Variants in PIK3R1 observed in about 807,000 individuals in gnomAD.
PIK3R1 encodes the protein phosphatidylinositol 3-kinase regulatory subunit alpha.
Under a neutral mutation model 98.0 loss-of-function variants are expected in PIK3R1, and 29 were observed. The ratio of observed to expected loss-of-function variants is 0.30; its 90% CI spans 0.22 to 0.40. PIK3R1 has a LOEUF of 0.40. Ranked by LOEUF, PIK3R1 falls within the 10% of genes least tolerant of loss-of-function variation. The pLI is 1.00. For synonymous variants in PIK3R1, 282 were observed against 311.8 expected (o/e 0.90, Z 1.01); for missense variants, 596 against 872.7 (o/e 0.68, Z 3.99).
intron 2 of PIK3R1, among the ~76,000 whole-genome samples, chr5:68,249,314 G>A (rs894187751): frequency 6.6e-6 from 1 of 152,172 alleles, no homozygotes. Flanking sequence ...TTTTGTTTCT[G>A]CTTTTTCTAC....
At chr5:68,288,437 TG>T (rs1747175337) in intron 7 of PIK3R1, 2 of 1,261,510 alleles carry the variant, frequency 1.6e-6, no homozygotes, top group Non-Finnish European at 2.0e-6. Context: ...GAAATCCAGT[TG>T]GCTTCTCAAT....
Position 68,298,907 on chromosome 5 carries a change from G to A in PIK3R1, c.*1306G>A, listed in dbSNP as rs942337017. ...GTGAAGGGATGTATCAAGTGGGGTGGTGGGAGGGGGAGGCAAGGTTATATG... is the reference window on the plus strand; with the variant it reads ...GTGAAGGGATGTATCAAGTGGGGTGATGGGAGGGGGAGGCAAGGTTATATG... On this transcript the variant is annotated 3_prime_UTR_variant, in exon 16 of 16. Coordinates refer to ENST00000521381, the MANE Select transcript of PIK3R1 (RefSeq NM_181523.3). 4.3e-6 allele frequency: 1 copy of A among 232,718 alleles called. No individual in the cohort carries two copies. Among genetic ancestry groups the A allele is most frequent in the Admixed American group, 5.7e-5 (1 of 17,690 alleles). 14.4% of individuals were successfully genotyped at this position (232,718 alleles called of 1,614,324 possible).
chr5:68,274,040 A>G, intron 4 of PIK3R1, 27 bp downstream of exon 4: 1 of 1,562,634 alleles, frequency 6.4e-7, no homozygotes, highest in South Asian at 1.1e-5. Flanking sequence ...TAGAAATGCA[A>G]ATGGGAAAGA....
chr5:68,227,263 A>G (rs1352025136), intron 2 of PIK3R1, among the ~76,000 whole-genome samples: 4 of 152,232 alleles, frequency 2.6e-5, no homozygotes, highest in Admixed American at 1.3e-4. Flanking sequence ...GAACACTATT[A>G]TTATAGTTGT....
chr5:68,270,365 A>G (rs10515074), intron 2 of PIK3R1, among the ~76,000 whole-genome samples: 31,051 of 152,104 alleles, frequency 0.2, 3,276 homozygotes, highest in South Asian at 0.22. Context: ...GCCCAGCAAT[A>G]TAACAACTTT....
chr5:68,225,177 C>T (rs1744227797), intron 1 of PIK3R1, among the ~76,000 whole-genome samples: 1 of 152,034 alleles, frequency 6.6e-6, no homozygotes, highest in Admixed American at 6.5e-5. Context: ...TGTCTCTAAA[C>T]CTTGACTTTC....
At chr5:68,295,112 C>T (rs1340495600) in intron 12 of PIK3R1, 36 bp from the exon 13 acceptor site, 4 of 1,583,404 alleles carry the variant, frequency 2.5e-6, no homozygotes, top group Non-Finnish European at 3.5e-6. Flanking sequence ...TCCTGATGTA[C>T]CCAGATAATA....
At chr5:68,273,533 T>C (rs1406536775) in intron 3 of PIK3R1, 51 bp downstream of exon 3, 2 of 1,398,388 alleles carry the variant, frequency 1.4e-6, no homozygotes, top group Non-Finnish European at 1.0e-6. Context: ...CCTTATTTCA[T>C]GGCTCTTATT....
intron 2 of PIK3R1, among the ~76,000 whole-genome samples, chr5:68,249,488 A>G (rs1395110856): frequency 2.6e-5 from 4 of 152,252 alleles, no homozygotes; most frequent in East Asian, 1.9e-4. Context: ...AAGTGGTCCT[A>G]TCACAAAATC....
At chr5:68,230,355 A>G (rs1371742979) in intron 2 of PIK3R1, among the ~76,000 whole-genome samples, 2 of 152,222 alleles carry the variant, frequency 1.3e-5, no homozygotes, top group African/African-American at 2.4e-5. Context: ...CATTATCCTA[A>G]GTACCTAGGA....
chr5:68,241,155 T>C (rs1254724136), intron 2 of PIK3R1, among the ~76,000 whole-genome samples: 2 of 152,176 alleles, frequency 1.3e-5, no homozygotes, highest in East Asian at 1.9e-4. Context: ...TCAATAGTTA[T>C]AGTAACTATT....
At chr5:68,249,984 G>C (rs1745242330) in intron 2 of PIK3R1, among the ~76,000 whole-genome samples, 1 of 152,178 alleles carries the variant, frequency 6.6e-6, no homozygotes, top group African/African-American at 2.4e-5. Flanking sequence ...GCTGGATTCT[G>C]GGGTCACCAA....
rs1219826105 is a variant in PIK3R1 at position 68,300,366 on chromosome 5, A to G, written c.*2765A>G. The G allele has an allele frequency of 4.3e-6, 1 of 232,856 alleles. No individual in the cohort carries two copies. Among genetic ancestry groups the G allele is most frequent in the East Asian group, 6.0e-5 (1 of 16,530 alleles). The allele number at this position is 232,856 out of a possible 1,614,324, so 14.4% of individuals were successfully genotyped here. ...TGGATTTCATCAGACAGTCCTAACAATATTGTCTGAACGGCTGAATATGAA... is the reference window on the plus strand; with the variant it reads ...TGGATTTCATCAGACAGTCCTAACAGTATTGTCTGAACGGCTGAATATGAA... On this transcript the variant is annotated 3_prime_UTR_variant, in exon 16 of 16. Transcript: ENST00000521381.
intron 2 of PIK3R1, among the ~76,000 whole-genome samples, chr5:68,262,946 G>T (rs1299371): frequency 2.8e-5 from 1 of 35,486 alleles, no homozygotes; most frequent in African/African-American, 1.5e-4. Context: ...TATACATGTA[G>T]ATACATGTAG....
intron 8 of PIK3R1, chr5:68,292,782 ATTGTAATGT>A: frequency 8.0e-7 from 1 of 1,251,592 alleles, no homozygotes; most frequent in Non-Finnish European, 1.0e-6. Context: ...TGTCAGAGAG[ATTGTAATGT>A]TTGGTTGAAA....
intron 2 of PIK3R1, among the ~76,000 whole-genome samples, chr5:68,272,757 G>T (rs2112161898): frequency 6.6e-6 from 1 of 152,142 alleles, no homozygotes; most frequent in East Asian, 1.9e-4. Flanking sequence ...AATTTATTTT[G>T]ATATCAAGTG....
intron 2 of PIK3R1, among the ~76,000 whole-genome samples, chr5:68,262,537 G>C (rs866269073): frequency 1.5e-5 from 1 of 67,994 alleles, no homozygotes; most frequent in Non-Finnish European, 2.8e-5. Flanking sequence ...TAGCTATATA[G>C]ATACATATCT....
intron 2 of PIK3R1, among the ~76,000 whole-genome samples, chr5:68,242,459 C>G (rs7717745): frequency 1.7e-4 from 25 of 144,306 alleles, no homozygotes; most frequent in African/African-American, 5.3e-4. Context: ...TTATTGGAAG[C>G]ACGACTTCCA....
Position 68,297,672 on chromosome 5 carries a change from T to C in PIK3R1, c.*71T>C. The C allele has an allele frequency of 4.1e-6, 5 of 1,222,642 alleles. No homozygotes were observed. Among genetic ancestry groups the C allele is most frequent in the Non-Finnish European group, 5.9e-6 (5 of 854,084 alleles). The allele number at this position is 1,222,642 out of a possible 1,614,324, so 75.7% of individuals were successfully genotyped here. ...GCCTCTGGAAAGCAAAGGGCTCCTC[T>C]CCAGTCTGATCTGTGAATTGAGCTG... On this transcript the variant is annotated 3_prime_UTR_variant, in exon 16 of 16. Coordinates refer to ENST00000521381, the MANE Select transcript of PIK3R1 (RefSeq NM_181523.3).
Sources: allele counts gnomAD v4.1 joint callset (sites outside exome capture counted in the v4.1 genomes callset), GRCh38; gene constraint gnomAD v4.1.1; transcripts MANE v1.5; gene names NCBI Gene and HGNC (gene_info 2026-07-23, HGNC 2026-07-21).